Variants in ATP8A2 observed in about 807,000 individuals in gnomAD.
ATP8A2 encodes phospholipid-transporting ATPase IB.
In ATP8A2, 100 loss-of-function variants were observed where a neutral mutation model predicts 165.6. The observed-to-expected ratio is 0.60, with a 90% CI of 0.51 to 0.71. ATP8A2 has a LOEUF of 0.71. ATP8A2 is among the 30% of genes least tolerant of loss of function. The probability of loss-of-function intolerance (pLI) is 0.00; values close to 1 mark genes in which losing one functional copy is unlikely to be tolerated. For synonymous variants in ATP8A2, 543 were observed against 548.8 expected (o/e 0.99, Z 0.15); for missense variants, 1,227 against 1,479.5 (o/e 0.83, Z 2.80).
At chr13:25,462,106 A>G (rs1295685930) in intron 1 of ATP8A2, among the ~76,000 whole-genome samples, 1 of 152,254 alleles carries the variant, frequency 6.6e-6, no homozygotes, top group Non-Finnish European at 1.5e-5. Flanking sequence ...TCTGGCTTCT[A>G]ATCATATCTT....
chr13:25,458,813 C>G (rs534107893), intron 1 of ATP8A2, among the ~76,000 whole-genome samples: 1 of 152,320 alleles, frequency 6.6e-6, no homozygotes, highest in South Asian at 2.1e-4. Flanking sequence ...CTTGTGCTTC[C>G]CATGTGGTCT....
intron 33 of ATP8A2, among the ~76,000 whole-genome samples, chr13:25,959,354 C>T (rs946721892): frequency 6.6e-5 from 10 of 152,236 alleles, no homozygotes; most frequent in African/African-American, 2.4e-4. Flanking sequence ...TGCATTGTTC[C>T]TGAGCATGTA....
At chr13:25,747,228 A>G (rs1393365637) in intron 25 of ATP8A2, among the ~76,000 whole-genome samples, 2 of 152,252 alleles carry the variant, frequency 1.3e-5, no homozygotes, top group Non-Finnish European at 2.9e-5. Flanking sequence ...TTCAGTAGCA[A>G]TAATAGAGGA....
intron 1 of ATP8A2, among the ~76,000 whole-genome samples, chr13:25,399,421 C>T (rs1200500555): frequency 0.037 from 213 of 5,766 alleles, 2 homozygotes; most frequent in African/African-American, 0.064. Context: ...TTTTTTGAGA[C>T]GGAGTTTCGC....
intron 33 of ATP8A2, among the ~76,000 whole-genome samples, chr13:25,918,990 A>T (rs1461444503): frequency 6.6e-6 from 1 of 152,248 alleles, no homozygotes; most frequent in Non-Finnish European, 1.5e-5. Context: ...GATACAACAC[A>T]TGTGATCCCC....
chr13:25,854,370 C>G (rs1037878841), intron 30 of ATP8A2, among the ~76,000 whole-genome samples: 1 of 152,164 alleles, frequency 6.6e-6, no homozygotes, highest in African/African-American at 2.4e-5. Flanking sequence ...GGGTCTTGCT[C>G]TGTCACCCAG....
intron 34 of ATP8A2, 83 bp from the exon 35 acceptor site, chr13:25,968,491 TG>T: frequency 8.3e-7 from 1 of 1,203,488 alleles, no homozygotes; most frequent in Non-Finnish European, 1.2e-6. Context: ...CATTTGGCTG[TG>T]GCCTGAGAGG....
chr13:25,529,911 T>G, intron 2 of ATP8A2, 88 bp from the exon 3 acceptor site: 1 of 730,628 alleles, frequency 1.4e-6, no homozygotes, highest in African/African-American at 1.8e-5. Context: ...TTAAACCATT[T>G]GTAAAACTTT....
chr13:25,975,080 T>A (rs1956002206), intron 35 of ATP8A2, among the ~76,000 whole-genome samples: 1 of 152,066 alleles, frequency 6.6e-6, no homozygotes, highest in Non-Finnish European at 1.5e-5. Flanking sequence ...TACCCTTGGC[T>A]CTTCTTGATT....
intron 25 of ATP8A2, among the ~76,000 whole-genome samples, chr13:25,731,848 T>C (rs995733705): frequency 1.3e-5 from 2 of 152,244 alleles, no homozygotes; most frequent in Non-Finnish European, 2.9e-5. Flanking sequence ...AGCAAGAGTC[T>C]TGCTAACATC....
intron 24 of ATP8A2, among the ~76,000 whole-genome samples, chr13:25,616,139 A>T (rs2040817232): frequency 6.6e-6 from 1 of 152,064 alleles, no homozygotes; most frequent in Non-Finnish European, 1.5e-5. Flanking sequence ...ACATTCATTT[A>T]TCATTGACCA....
intron 24 of ATP8A2, among the ~76,000 whole-genome samples, chr13:25,679,805 T>C (rs541940196): frequency 1.2e-4 from 18 of 152,284 alleles, no homozygotes; most frequent in Non-Finnish European, 2.4e-4. Context: ...CCAGTTGATA[T>C]TGTCAGTGTC....
intron 1 of ATP8A2, among the ~76,000 whole-genome samples, chr13:25,425,541 A>G (rs562969713): frequency 9.6e-5 from 11 of 114,940 alleles, no homozygotes; most frequent in African/African-American, 3.0e-4. Context: ...TAAATTTGAA[A>G]TCATACAGTA....
intron 25 of ATP8A2, among the ~76,000 whole-genome samples, chr13:25,746,815 T>G (rs7328613): frequency 0.36 from 54,609 of 152,154 alleles, 10,288 homozygotes; most frequent in East Asian, 0.49. Flanking sequence ...AAGCCAATTT[T>G]TATAACCAGA....
chr13:25,534,592 A>G (rs950218389), intron 6 of ATP8A2, among the ~76,000 whole-genome samples: 1 of 152,220 alleles, frequency 6.6e-6, no homozygotes, highest in African/African-American at 2.4e-5. Flanking sequence ...CCTAAAACTC[A>G]TGACTGTTTC....
At chr13:26,008,994 T>A (rs1956793254) in intron 35 of ATP8A2, among the ~76,000 whole-genome samples, 1 of 152,234 alleles carries the variant, frequency 6.6e-6, no homozygotes, top group Non-Finnish European at 1.5e-5. Flanking sequence ...TGCGTATTTT[T>A]AAATATAATT....
intron 33 of ATP8A2, among the ~76,000 whole-genome samples, chr13:25,864,379 T>C (rs2138775731): frequency 6.6e-6 from 1 of 152,292 alleles, no homozygotes; most frequent in East Asian, 1.9e-4. Context: ...TGAATTAGGC[T>C]GCTTGCCAAC....
chr13:25,627,400 T>G (rs1023459502), intron 24 of ATP8A2, among the ~76,000 whole-genome samples: 1 of 152,016 alleles, frequency 6.6e-6, no homozygotes, highest in African/African-American at 2.4e-5. Flanking sequence ...CCCCCAAAAT[T>G]TATATGTTGA....
intron 24 of ATP8A2, among the ~76,000 whole-genome samples, chr13:25,677,350 TTTTCAA>T (rs2042393648): frequency 1.3e-5 from 2 of 152,206 alleles, no homozygotes; most frequent in Non-Finnish European, 2.9e-5. Flanking sequence ...TCCATAATGG[TTTTCAA>T]TTTCTTTAAG....
Sources: allele counts gnomAD v4.1 joint callset (sites outside exome capture counted in the v4.1 genomes callset), GRCh38; gene constraint gnomAD v4.1.1; transcripts MANE v1.5; gene names NCBI Gene and HGNC (gene_info 2026-07-23, HGNC 2026-07-21).